NKAIN3: variants seen among roughly 807,000 people sequenced by gnomAD.
NKAIN3 encodes sodium/potassium transporting ATPase interacting 3, also known as sodium/potassium-transporting ATPase subunit beta-1-interacting protein 3.
In NKAIN3, 25 loss-of-function variants were observed where a neutral mutation model predicts 30.2. The ratio of observed to expected loss-of-function variants is 0.83; its 90% CI spans 0.60 to 1.16. The LOEUF (loss-of-function observed/expected upper bound fraction) is 1.16, where lower values mean the gene tolerates loss of function less well. Ranked by LOEUF, NKAIN3 falls within the 50% of genes most tolerant of loss-of-function variation. The probability of loss-of-function intolerance (pLI) is 0.00; values close to 1 mark genes in which losing one functional copy is unlikely to be tolerated. For synonymous variants in NKAIN3, 91 were observed against 89.6 expected, an observed-to-expected ratio of 1.02 and a Z score of -0.09; for missense variants, 225 against 254.1, an observed-to-expected ratio of 0.89 and a Z score of 0.78.
intron 2 of NKAIN3, among the ~76,000 whole-genome samples, chr8:62,582,853 C>A (rs995270248): frequency 1.3e-5 from 2 of 152,060 alleles, no homozygotes; most frequent in Non-Finnish European, 2.9e-5. Flanking sequence ...GGGGCAAGGC[C>A]TAGGGGAAGG....
intron 3 of NKAIN3, among the ~76,000 whole-genome samples, chr8:62,620,054 A>G (rs866954127): frequency 3.4e-4 from 52 of 152,326 alleles, no homozygotes; most frequent in African/African-American, 1.3e-3. Flanking sequence ...AAGCCTTATA[A>G]GAAAATGAAG....
At chr8:62,379,818 T>C (rs1285256874) in intron 1 of NKAIN3, among the ~76,000 whole-genome samples, 5 of 152,196 alleles carry the variant, frequency 3.3e-5, no homozygotes. Context: ...CTTCATTTTT[T>C]TTCAGGACAG....
intron 5 of NKAIN3, among the ~76,000 whole-genome samples, chr8:62,932,747 TG>T (rs1405666931): frequency 6.6e-6 from 1 of 152,150 alleles, no homozygotes. Flanking sequence ...TTTTTAAATT[TG>T]TTTTTTTAGA....
At chr8:62,654,681 T>C (rs1010246770) in intron 3 of NKAIN3, among the ~76,000 whole-genome samples, 2 of 152,124 alleles carry the variant, frequency 1.3e-5, no homozygotes, top group Non-Finnish European at 2.9e-5. Flanking sequence ...AACCATACTA[T>C]CAATCACATG....
At chr8:62,783,247 G>A (rs1049885222) in intron 4 of NKAIN3, among the ~76,000 whole-genome samples, 1 of 152,030 alleles carries the variant, frequency 6.6e-6, no homozygotes, top group African/African-American at 2.4e-5. Context: ...ATTAAGTCAT[G>A]AGGGCTTTGA....
At chr8:62,435,582 A>C (rs1409427448) in intron 1 of NKAIN3, among the ~76,000 whole-genome samples, 1 of 152,150 alleles carries the variant, frequency 6.6e-6, no homozygotes, top group Admixed American at 6.6e-5. Flanking sequence ...TCACTATGCT[A>C]ATTTTTAGTC....
At chr8:62,747,931 T>C (rs1033740950) in intron 4 of NKAIN3, among the ~76,000 whole-genome samples, 2 of 152,156 alleles carry the variant, frequency 1.3e-5, no homozygotes, top group East Asian at 3.9e-4. Context: ...ACAGACTCAA[T>C]AGTAAATAAA....
At chr8:62,815,766 C>T (rs537070765) in intron 4 of NKAIN3, among the ~76,000 whole-genome samples, 3 of 152,152 alleles carry the variant, frequency 2.0e-5, no homozygotes, top group Non-Finnish European at 4.4e-5. Flanking sequence ...CAATATCATA[C>T]TGAATGGATA....
intron 6 of NKAIN3, among the ~76,000 whole-genome samples, chr8:62,961,152 G>A (rs1455206048): frequency 1.3e-5 from 2 of 152,016 alleles, no homozygotes; most frequent in African/African-American, 2.4e-5. Context: ...GTTGTAGTGC[G>A]TGACTGTAGT....
intron 3 of NKAIN3, among the ~76,000 whole-genome samples, chr8:62,637,299 A>G (rs1350084857): frequency 6.6e-6 from 1 of 152,148 alleles, no homozygotes; most frequent in African/African-American, 2.4e-5. Context: ...CGTGGAGGAA[A>G]CACAGCACCT....
chr8:62,256,280 CAGTA>C (rs1812259175), intron 1 of NKAIN3, among the ~76,000 whole-genome samples: 1 of 151,840 alleles, frequency 6.6e-6, no homozygotes, highest in Non-Finnish European at 1.5e-5. Context: ...AATAACCAAA[CAGTA>C]AGATGAATAC....
intron 1 of NKAIN3, among the ~76,000 whole-genome samples, chr8:62,480,279 C>A (rs1356331790): frequency 6.6e-6 from 1 of 151,702 alleles, no homozygotes. Flanking sequence ...TCACCACACA[C>A]AAAAAAATGA....
chr8:62,990,181 G>A, intron 5 of NKAIN3: 1 of 1,400,786 alleles, frequency 7.1e-7, no homozygotes, highest in Non-Finnish European at 9.9e-7. Flanking sequence ...CATGTGATCT[G>A]CAAGTATGCA....
intron 1 of NKAIN3, among the ~76,000 whole-genome samples, chr8:62,388,685 A>C (rs1298801891): frequency 6.6e-6 from 1 of 152,236 alleles, no homozygotes; most frequent in Non-Finnish European, 1.5e-5. Flanking sequence ...CCTAATGTTA[A>C]AATTAAGACA....
rs1441736520 is a variant in NKAIN3, at chr8:62,982,973, G to T, written c.*17566G>T. 6.6e-6 allele frequency: 1 copy of T among 152,210 alleles called. No individual in the cohort carries two copies. Among genetic ancestry groups the T allele is most frequent in the East Asian group, 1.9e-4 (1 of 5,180 alleles). 9.4% of individuals were successfully genotyped at this position (152,210 alleles called of 1,614,324 possible). A position where few individuals can be genotyped will look rare whatever the true frequency, so the allele number is the denominator to read the frequency against. On this transcript the variant is annotated 3_prime_UTR_variant, in exon 7 of 7. Transcript: ENST00000623646. ...TGGGACATGTTTCTTCTTCATTCATGAATAAGTCTAATTTTCTCTCCGGTG... is the reference window on the plus strand; with the variant it reads ...TGGGACATGTTTCTTCTTCATTCATTAATAAGTCTAATTTTCTCTCCGGTG...
At chr8:62,328,109 AT>A (rs1422912563) in intron 1 of NKAIN3, among the ~76,000 whole-genome samples, 5 of 152,092 alleles carry the variant, frequency 3.3e-5, no homozygotes, top group Non-Finnish European at 5.9e-5. Flanking sequence ...AGACTGAAAA[AT>A]GTATATCAAT....
intron 1 of NKAIN3, among the ~76,000 whole-genome samples, chr8:62,327,674 G>A (rs1424922523): frequency 1.3e-5 from 2 of 151,978 alleles, no homozygotes; most frequent in African/African-American, 2.4e-5. Flanking sequence ...CAAATGCACT[G>A]TTTTGATTAC....
intron 1 of NKAIN3, among the ~76,000 whole-genome samples, chr8:62,391,282 A>G (rs6989864): frequency 0.034 from 5,105 of 152,224 alleles, 326 homozygotes; most frequent in African/African-American, 0.12. Context: ...TGTTTTGTAT[A>G]GCCAAGTCTC....
intron 1 of NKAIN3, among the ~76,000 whole-genome samples, chr8:62,289,866 A>G (rs1368358692): frequency 6.6e-6 from 1 of 152,090 alleles, no homozygotes; most frequent in Non-Finnish European, 1.5e-5. Flanking sequence ...GATTCTTCCT[A>G]TCCTTGAGCA....
Sources: gnomAD v4.1 joint callset for allele counts (sites outside exome capture counted in the v4.1 genomes callset) on GRCh38, gnomAD v4.1.1 for gene constraint, MANE v1.5 for transcripts, NCBI Gene and HGNC (gene_info 2026-07-23, HGNC 2026-07-21) for gene names.